Variants in SUSD1 observed in about 807,000 individuals in gnomAD.
SUSD1 encodes sushi domain containing 1.
SUSD1 carries 65 observed loss-of-function variants against 86.9 expected under a neutral mutation model. The ratio of observed to expected loss-of-function variants is 0.75; its 90% CI spans 0.61 to 0.92. The LOEUF (loss-of-function observed/expected upper bound fraction) is 0.92, where lower values mean the gene tolerates loss of function less well. Ranked by LOEUF, SUSD1 falls within the 40% of genes least tolerant of loss-of-function variation. The probability of loss-of-function intolerance (pLI) is 0.00; values close to 1 mark genes in which losing one functional copy is unlikely to be tolerated. For missense variants in SUSD1, 850 were observed against 929.7 expected (o/e 0.91, Z 1.11); for synonymous variants, 346 against 350.0 (o/e 0.99, Z 0.13).
intron 1 of SUSD1, among the ~76,000 whole-genome samples, chr9:112,165,923 A>AAGG (rs1554777758): frequency 1.0e-5 from 1 of 99,148 alleles, no homozygotes; most frequent in African/African-American, 4.2e-5. Flanking sequence ...GGAAGAAAGA[A>AAGG]AAGAAAGAAA....
chr9:112,084,419 A>AAT (rs755687642), intron 10 of SUSD1, among the ~76,000 whole-genome samples: 55 of 152,184 alleles, frequency 3.6e-4, no homozygotes, highest in Admixed American at 2.0e-3. Context: ...AATGAAGAAT[A>AAT]ATATATATAT....
At chr9:112,117,981 G>C (rs1372685639) in intron 6 of SUSD1, among the ~76,000 whole-genome samples, 2 of 152,182 alleles carry the variant, frequency 1.3e-5, no homozygotes, top group African/African-American at 4.8e-5. Context: ...AGGAGGGGAG[G>C]GAATAAGACA....
At chr9:112,048,439 C>T (rs1469033446) in intron 15 of SUSD1, among the ~76,000 whole-genome samples, 1 of 152,116 alleles carries the variant, frequency 6.6e-6, no homozygotes. Flanking sequence ...TATACATACA[C>T]ACTAGGTTTA....
chr9:112,054,586 C>CA lies in SUSD1; in HGVS notation c.2110-2149dup, dbSNP rs879376406. Among the ~76,000 whole-genome samples, 151 of 126,648 alleles carry CA rather than the reference C, an allele frequency of 1.2e-3. 1 individual carries two copies. Among genetic ancestry groups the CA allele is most frequent in the Middle Eastern group, 4.2e-3 (1 of 240 alleles). 83.1% of individuals were successfully genotyped at this position (126,648 alleles called of 152,430 possible). A position where few individuals can be genotyped will look rare whatever the true frequency, so the allele number is the denominator to read the frequency against. On this transcript the variant is annotated intron_variant, in intron 14 of 16. Transcript: ENST00000374270. ...TGGGTGACAAACTGAAACACTGTCT[C>CA]AAAAAAAAAAAAAGTTTTTTCAACA...
At chr9:112,089,705 G>C (rs959067847) in intron 10 of SUSD1, among the ~76,000 whole-genome samples, 2 of 151,562 alleles carry the variant, frequency 1.3e-5, no homozygotes, top group Admixed American at 1.3e-4. Flanking sequence ...CCATCTACTC[G>C]GGAGGCTGAA....
Position 112,073,155 on chromosome 9 carries a change from T to TA in SUSD1, c.1753+5382dup, listed in dbSNP as rs367575433. Reference sequence around the variant, plus strand: ...GGCAGTCCTGGCTGGACCTCTCTGATAAAGTGACAATCTGATAAATGCCTG... The same window carrying TA: ...GGCAGTCCTGGCTGGACCTCTCTGATAAAAGTGACAATCTGATAAATGCCTG... On this transcript the variant is annotated intron_variant, in intron 12 of 16. Coordinates refer to ENST00000374270, the MANE Select transcript of SUSD1 (RefSeq NM_022486.5). 5.8e-4 allele frequency among the ~76,000 whole-genome samples: 89 copies of TA among 152,334 alleles called. 1 individual carries two copies. The highest frequency in any genetic ancestry group is 2.1e-3 in the African/African-American group (87 of 41,580).
At position 112,175,257 on chromosome 9, in the gene SUSD1, C is replaced by A. The variant is rs1834230500; in HGVS notation, c.-22G>T. On this transcript the variant is annotated 5_prime_UTR_variant, in exon 1 of 17. Transcript: ENST00000374270. The surrounding 1 kb of genome is among the most constrained non-coding windows in gnomAD (Gnocchi z 4.7). ...CCATGCCGCCGCCGGTCCCTCCCGG[C>A]GCGCCCGCGCCTCCTCCCGGGGCCC... The A allele has an allele frequency of 4.4e-6, 5 of 1,144,198 alleles. No homozygotes were observed. Among genetic ancestry groups the A allele is most frequent in the Non-Finnish European group, 5.4e-6 (5 of 932,116 alleles). The allele number at this position is 1,144,198 out of a possible 1,614,324, so 70.9% of individuals were successfully genotyped here. A position where few individuals can be genotyped will look rare whatever the true frequency, so the allele number is the denominator to read the frequency against.
intron 10 of SUSD1, among the ~76,000 whole-genome samples, chr9:112,084,587 C>T (rs1387051953): frequency 6.6e-6 from 1 of 152,174 alleles, no homozygotes; most frequent in Non-Finnish European, 1.5e-5. Context: ...TCTAGGTTCG[C>T]TTCCCTCCAT....
intron 10 of SUSD1, among the ~76,000 whole-genome samples, chr9:112,087,975 A>C (rs66763413): frequency 0.1 from 15,375 of 152,230 alleles, 979 homozygotes; most frequent in Non-Finnish European, 0.15. Context: ...CAGGGTCTTC[A>C]CTCAAAGAAA....
chr9:112,107,254 CAA>C (rs71382407), intron 8 of SUSD1, among the ~76,000 whole-genome samples: 19 of 66,178 alleles, frequency 2.9e-4, no homozygotes, highest in Admixed American at 1.4e-3. Context: ...GACCATATCT[CAA>C]AAAAAAAAAA....
chr9:112,047,555 T>A (rs998086296), intron 15 of SUSD1, among the ~76,000 whole-genome samples: 1 of 152,150 alleles, frequency 6.6e-6, no homozygotes, highest in Non-Finnish European at 1.5e-5. Context: ...GAAACTCACT[T>A]GAAATTTAAT....
rs546089080 is a variant in SUSD1, at chr9:112,121,224, C to CTTCTTTGT, written c.886+3025_886+3032dup. On this transcript the variant is annotated intron_variant, in intron 6 of 16. Coordinates refer to ENST00000374270, the MANE Select transcript of SUSD1 (RefSeq NM_022486.5). ...CTCTGGGTTCTTATCCAGCTCTACC[C>CTTCTTTGT]TTCTTTGTTTTTCTGATTGCAGTCT... Among the ~76,000 whole-genome samples, 345 of 152,262 alleles carry CTTCTTTGT rather than the reference C, an allele frequency of 2.3e-3. 3 individuals are homozygous for CTTCTTTGT. The highest frequency in any genetic ancestry group is 3.5e-4 in the Non-Finnish European group (24 of 68,026).
rs1829694166 is a variant in SUSD1, at chr9:112,079,964, T to C, written c.1566+110A>G. The C allele has an allele frequency of 4.2e-6, 3 of 716,216 alleles. No homozygotes were observed. In the East Asian group the frequency reaches 8.3e-5, roughly 20 times the overall value. 44.4% of individuals were successfully genotyped at this position (716,216 alleles called of 1,614,324 possible). On this transcript the variant is annotated intron_variant, in intron 11 of 16. Transcript: ENST00000374270. ...TTCTTGATGCAATTGTCACAGTAAA[T>C]CGTCTACTGATAATGATAGTTATAG... is the stretch of plus-strand genomic sequence containing the variant.
In SUSD1 at chr9:112,076,992, G is replaced by T. The variant is rs534587517; in HGVS notation, c.1753+1546C>A. 2.6e-5 allele frequency among the ~76,000 whole-genome samples: 4 copies of T among 152,322 alleles called. No homozygotes were observed. The South Asian group carries it at 8.3e-4, about 32-fold the overall frequency. ...AGTGAAAGTGAGAACAGGAGGTAGGGCTGTGGAGCCTACAGAACAGCCATT... is the reference window on the plus strand; with the variant it reads ...AGTGAAAGTGAGAACAGGAGGTAGGTCTGTGGAGCCTACAGAACAGCCATT... On this transcript the variant is annotated intron_variant, in intron 12 of 16. Coordinates refer to ENST00000374270, the MANE Select transcript of SUSD1 (RefSeq NM_022486.5).
rs1245952639 is a variant in SUSD1 at position 112,063,036 on chromosome 9, G to C, written c.1754-3C>G. ...TTCTACTTCCGGGAGGGGAGGCTCT[G>C]AAAACATGTTGAAAAGAAGAAAAGG... On this transcript the variant is annotated splice_polypyrimidine_tract_variant and splice_region_variant and intron_variant, in intron 12 of 16. Transcript: ENST00000374270. 1.9e-6 allele frequency: 3 copies of C among 1,600,082 alleles called. No individual in the cohort carries two copies. In the Admixed American group the frequency reaches 5.0e-5, roughly 27 times the overall value.
At chr9:112,067,050 T>G (rs529716263) in intron 12 of SUSD1, among the ~76,000 whole-genome samples, 1 of 152,260 alleles carries the variant, frequency 6.6e-6, no homozygotes, top group East Asian at 1.9e-4. Flanking sequence ...CTAATTTTTG[T>G]ATTTTTAGTA....
At chr9:112,132,581 C>T (rs2131717261) in intron 5 of SUSD1, among the ~76,000 whole-genome samples, 1 of 152,286 alleles carries the variant, frequency 6.6e-6, no homozygotes, top group East Asian at 1.9e-4. Flanking sequence ...ACAGTCCAGG[C>T]AGATTAATAC....
At chr9:112,052,138 T>C (rs1045628569) in intron 15 of SUSD1, 117 of 1,406,482 alleles carry the variant, frequency 8.3e-5, no homozygotes, top group African/African-American at 1.7e-4. Flanking sequence ...AAGAGAAAAA[T>C]AGAAAGTCCC....
At chr9:112,108,061 A>G (rs994835986) in intron 8 of SUSD1, among the ~76,000 whole-genome samples, 1 of 152,240 alleles carries the variant, frequency 6.6e-6, no homozygotes, top group Non-Finnish European at 1.5e-5. Flanking sequence ...AAAACTAGAA[A>G]ACAACAACAC....
Sources: gnomAD v4.1 joint callset for allele counts (sites outside exome capture counted in the v4.1 genomes callset) on GRCh38, gnomAD v4.1.1 for gene constraint, Gnocchi (gnomAD v3.1) non-coding constraint, MANE v1.5 for transcripts, NCBI Gene and HGNC (gene_info 2026-07-23, HGNC 2026-07-21) for gene names.